MYO1G: variants seen among roughly 807,000 people sequenced by gnomAD.
MYO1G encodes the protein unconventional myosin-Ig.
A neutral mutation model predicts 115.3 loss-of-function variants in MYO1G; 65 were observed. The observed-to-expected ratio is 0.56, with a 90% confidence interval of 0.46 to 0.69. The LOEUF (loss-of-function observed/expected upper bound fraction) is 0.69. MYO1G is among the 30% of genes least tolerant of loss of function. MYO1G has a pLI of 0.00. For missense variants in MYO1G, 1,204 were observed against 1,393.5 expected, an observed-to-expected ratio of 0.86 and a Z score of 2.16; for synonymous variants, 510 against 552.6, an observed-to-expected ratio of 0.92 and a Z score of 1.08.
rs1794941507 is a variant in MYO1G, at chr7:44,970,753, AC to A, written c.1072-17del. Reference sequence around the variant, plus strand: ...GGTACACTGCCTGGGGGATAGGAACACCCTGCTTCCTGCTGCCTCTGGCCTG... The same window carrying A: ...GGTACACTGCCTGGGGGATAGGAACACCTGCTTCCTGCTGCCTCTGGCCTG... On this transcript the variant is annotated splice_polypyrimidine_tract_variant and intron_variant, in intron 8 of 21. Transcript: ENST00000258787. The A allele has an allele frequency of 6.2e-7, 1 of 1,613,508 alleles. No individual in the cohort carries two copies. Among genetic ancestry groups the A allele is most frequent in the East Asian group, 2.2e-5 (1 of 44,870 alleles).
chr7:44,976,720 G>T (rs1006376456), intron 2 of MYO1G, 63 bp from the exon 3 acceptor site: 1 of 1,600,506 alleles, frequency 6.2e-7, no homozygotes, highest in Non-Finnish European at 8.6e-7. Flanking sequence ...AGCTCCCTGT[G>T]CCCACTCACA....
chr7:44,975,541 G>A lies in MYO1G; in HGVS notation c.507C>T (p.Asn169=). ...SSRFGKYMDI[N]FDFKGDPIGG... ...CGATCGGGTCCCCCTTGAAGTCAAA[G>A]TTGATGTCCATGTACTTGCCAAAGC... Residue 169 remains asparagine (N), a synonymous_variant, in exon 4 of 22, where the codon AAC becomes AAT. Coordinates refer to ENST00000258787, the MANE Select transcript of MYO1G (RefSeq NM_033054.3). 6.2e-7 allele frequency: 1 copy of A among 1,614,032 alleles called. No homozygotes were observed. The highest frequency in any genetic ancestry group is 8.5e-7 in the Non-Finnish European group (1 of 1,179,938).
intron 5 of MYO1G, chr7:44,972,758 A>G (rs1253534999): frequency 1.3e-5 from 2 of 159,162 alleles, no homozygotes. Flanking sequence ...GGGAGAGCCC[A>G]TGTCCTAGGG....
chr7:44,969,943 C>A lies in MYO1G; in HGVS notation c.1333-68G>T. 1 of 1,588,022 alleles carries A rather than the reference C, an allele frequency of 6.3e-7. No individual in the cohort carries two copies. Among genetic ancestry groups the A allele is most frequent in the South Asian group, 1.1e-5 (1 of 87,556 alleles). Reference sequence around the variant, plus strand: ...AGGCCACCTCCCCTCCTCCGCCCCACACTCAGCCACCTGTCAGGCCAGCCC... The same window carrying A: ...AGGCCACCTCCCCTCCTCCGCCCCAAACTCAGCCACCTGTCAGGCCAGCCC... On this transcript the variant is annotated intron_variant, in intron 10 of 21. Transcript: ENST00000258787. The surrounding 1 kb of genome is among the most constrained non-coding windows in gnomAD (Gnocchi z 5.0).
At position 44,977,047 on chromosome 7, in the gene MYO1G, G is replaced by A. The variant is rs151295676; in HGVS notation, c.120C>T (p.Thr40=). 2 of 1,613,464 alleles carry A rather than the reference G, an allele frequency of 1.2e-6. No homozygotes were observed. Among genetic ancestry groups the A allele is most frequent in the Non-Finnish European group, 1.7e-6 (2 of 1,180,000 alleles). ...CGGACACCAGCACCTCACCGATGTAGGTGTAGATGCGGCCCTTCTCGAACC... is the reference window on the plus strand; with the variant it reads ...CGGACACCAGCACCTCACCGATGTAAGTGTAGATGCGGCCCTTCTCGAACC... ...QLRFEKGRIY[T]YIGEVLVSVN... is the part of the protein sequence containing the mutation. Residue 40 remains threonine (T), a synonymous_variant, in exon 2 of 22, where the codon ACC becomes ACT. Transcript: ENST00000258787.
Position 44,963,044 on chromosome 7 carries a change from G to A in MYO1G, c.2826C>T (p.Cys942=). The change falls in exon 21 of 22, where the codon TGC becomes TGT. Residue 942 remains cysteine (C), a synonymous_variant. Transcript: ENST00000258787. The surrounding 1 kb of genome is among the most constrained non-coding windows in gnomAD (Gnocchi z 4.1). ...CCAATGGCGGCCGGGAGCGGTGCAGGCACACCACGAGGTCGTCCTGGCCGC... is the reference window on the plus strand; with the variant it reads ...CCAATGGCGGCCGGGAGCGGTGCAGACACACCACGAGGTCGTCCTGGCCGC... ...HARGQDDLVV[C]LHRSRPPLDN... 6.5e-7 allele frequency: 1 copy of A among 1,528,954 alleles called. No homozygotes were observed. 94.7% of individuals were successfully genotyped at this position (1,528,954 alleles called of 1,614,324 possible).
chr7:44,976,828 GCCGAGGGTGGGGGC>G (rs779029736), intron 2 of MYO1G, 21 bp downstream of exon 2: 9 of 1,607,702 alleles, frequency 5.6e-6, no homozygotes, highest in Non-Finnish European at 6.8e-6. Context: ...AAATGAAGAT[GCCGAGGGTGGGGGC>G]CCGGCGGCAG....
intron 5 of MYO1G, 56 bp downstream of exon 5, chr7:44,975,118 G>A: frequency 6.4e-7 from 1 of 1,565,366 alleles, no homozygotes. Context: ...GGTCCAGCTT[G>A]CTGCCCTCCC....
rs1031564038 is a variant in MYO1G at position 44,976,519 on chromosome 7, C to T, written c.398+45G>A. 2.5e-6 allele frequency: 4 copies of T among 1,585,536 alleles called. No individual in the cohort carries two copies. In the African/African-American group the frequency reaches 5.4e-5, roughly 21 times the overall value. ...CAGCCCTTCCTGCCACACTGAGGTC[C>T]CTGGCCTGCCATGCTGAGGCCCAGA... On this transcript the variant is annotated intron_variant, in intron 3 of 21. Transcript: ENST00000258787.
Position 44,964,568 on chromosome 7 carries a change from G to A in MYO1G, c.2527-49C>T. 1 of 1,403,250 alleles carries A rather than the reference G, an allele frequency of 7.1e-7. No homozygotes were observed. Among genetic ancestry groups the A allele is most frequent in the South Asian group, 1.2e-5 (1 of 86,648 alleles). The allele number at this position is 1,403,250 out of a possible 1,614,324, so 86.9% of individuals were successfully genotyped here. ...GGCGCTGCTTGGGATTGAGTCATGG[G>A]ACCAGACTCAATTGATAGCAGCTGT... On this transcript the variant is annotated intron_variant, in intron 18 of 21. Coordinates refer to ENST00000258787, the MANE Select transcript of MYO1G (RefSeq NM_033054.3). The surrounding 1 kb of genome is among the most constrained non-coding windows in gnomAD (Gnocchi z 5.1).
At chr7:44,972,566 C>A (rs1044971823) in intron 5 of MYO1G, 2 of 301,506 alleles carry the variant, frequency 6.6e-6, no homozygotes, top group Non-Finnish European at 1.3e-5. Context: ...TATGTGGAGA[C>A]ACTACCCGGG....
rs1340040142 is a variant in MYO1G, at chr7:44,963,063, T to A, written c.2807A>T (p.Gln936Leu). 13 of 1,522,730 alleles carry A rather than the reference T, an allele frequency of 8.5e-6. No individual in the cohort carries two copies. Among genetic ancestry groups the A allele is most frequent in the Non-Finnish European group, 1.1e-5 (13 of 1,140,670 alleles). 94.3% of individuals were successfully genotyped at this position (1,522,730 alleles called of 1,614,324 possible). A position where few individuals can be genotyped will look rare whatever the true frequency, so the allele number is the denominator to read the frequency against. ...DQLVVLHARG[Q>L]DDLVVCLHRS... ...GTGCAGGCACACCACGAGGTCGTCC[T>A]GGCCGCGGGCGTGCAGCACCACCAG... The change falls in exon 21 of 22, where the codon CAG (glutamine) becomes CTG (leucine). Residue 936 changes from glutamine (Q) to leucine (L), a missense_variant. Coordinates refer to ENST00000258787, the MANE Select transcript of MYO1G (RefSeq NM_033054.3). The surrounding 1 kb of genome is among the most constrained non-coding windows in gnomAD (Gnocchi z 4.1).
intron 1 of MYO1G, among the ~76,000 whole-genome samples, chr7:44,978,101 T>C: frequency 6.6e-6 from 1 of 152,126 alleles, no homozygotes; most frequent in Non-Finnish European, 1.5e-5. Flanking sequence ...CCTTCGGTGC[T>C]TAGTGGGGAT....
Position 44,963,087 on chromosome 7 carries a change from A to G in MYO1G, c.2783T>C (p.Leu928Pro). Residue 928 changes from leucine to proline, a missense_variant, in exon 21 of 22, where the codon CTG (leucine) becomes CCG (proline). Physicochemically the swap from Leu to Pro is moderately conservative, Grantham distance 98. Coordinates refer to ENST00000258787, the MANE Select transcript of MYO1G (RefSeq NM_033054.3). The surrounding 1 kb of genome is among the most constrained non-coding windows in gnomAD (Gnocchi z 4.1). ...CTGGCCGCGGGCGTGCAGCACCACC[A>G]GCTGGTCTCCTCCGCTGGTCACGCT... The part of the protein sequence containing the change: ...GLSVTSGGDQ[L>P]VVLHARGQDD... The G allele has an allele frequency of 6.6e-7, 1 of 1,520,240 alleles. No individual in the cohort carries two copies. The highest frequency in any genetic ancestry group is 8.8e-7 in the Non-Finnish European group (1 of 1,140,098). The allele number at this position is 1,520,240 out of a possible 1,614,324, so 94.2% of individuals were successfully genotyped here.
Position 44,970,114 on chromosome 7 carries a change from G to A in MYO1G, c.1258C>T (p.Gln420Ter), listed in dbSNP as rs771068176. The A allele has an allele frequency of 3.1e-6, 5 of 1,614,048 alleles. No individual in the cohort carries two copies. Among genetic ancestry groups the A allele is most frequent in the African/African-American group, 1.3e-5 (1 of 75,056 alleles). The stretch of plus-strand genomic sequence containing the variant: ...AGGATGAGCTGGATGAATAGCTGCT[G>A]CAGCTTCTCGTTGCAGTAGTTGATG... Reference protein sequence around the residue: ...FCINYCNEKLQQLFIQLILKQ... With the variant: ...FCINYCNEKL Residue 420 changes from glutamine (Q) to a stop codon, truncating the protein, a stop_gained, in exon 10 of 22, where the codon CAG becomes TAG. Coordinates refer to ENST00000258787, the MANE Select transcript of MYO1G (RefSeq NM_033054.3). LOFTEE classifies it high-confidence loss of function.
Position 44,972,326 on chromosome 7 carries a change from A to G in MYO1G, c.619-101T>C. 2 of 879,624 alleles carry G rather than the reference A, an allele frequency of 2.3e-6. 1 individual carries two copies. Among genetic ancestry groups the G allele is most frequent in the Non-Finnish European group, 3.7e-6 (2 of 533,724 alleles). The allele number at this position is 879,624 out of a possible 1,614,324, so 54.5% of individuals were successfully genotyped here. Reference sequence around the variant, plus strand: ...AAACAGACTTGCGCTTCCTTCCAGTATTGAACGAACAAACGTGGGGGAAGG... The same window carrying G: ...AAACAGACTTGCGCTTCCTTCCAGTGTTGAACGAACAAACGTGGGGGAAGG... On this transcript the variant is annotated intron_variant, in intron 5 of 21. Coordinates refer to ENST00000258787, the MANE Select transcript of MYO1G (RefSeq NM_033054.3).
intron 5 of MYO1G, chr7:44,974,836 A>C (rs983846450): frequency 3.0e-5 from 12 of 400,206 alleles, no homozygotes; most frequent in Non-Finnish European, 5.7e-5. Context: ...CTCTGATACC[A>C]CTAGAGACAC....
chr7:44,976,298 C>T (rs1026451225), intron 3 of MYO1G, among the ~76,000 whole-genome samples: 4 of 152,338 alleles, frequency 2.6e-5, no homozygotes, highest in Admixed American at 1.3e-4. Flanking sequence ...TTCTCCTCAT[C>T]CTACCTGTGG....
rs1424132619 is a variant in MYO1G at position 44,972,870 on chromosome 7, C to G, written c.619-645G>C. ...ACTGCCTGTGTCCCAAAAGTTCCCA[C>G]TTCACTGGAGGTGGTAAGAGTCTGT... On this transcript the variant is annotated intron_variant, in intron 5 of 21. Transcript: ENST00000258787. 4.6e-5 allele frequency: 7 copies of G among 152,148 alleles called. No individual in the cohort carries two copies. In the East Asian group the frequency reaches 1.2e-3, roughly 26 times the overall value. The allele number at this position is 152,148 out of a possible 1,614,324, so 9.4% of individuals were successfully genotyped here. A position where few individuals can be genotyped will look rare whatever the true frequency, so the allele number is the denominator to read the frequency against.
Sources: allele counts gnomAD v4.1 joint callset (sites outside exome capture counted in the v4.1 genomes callset), GRCh38; gene constraint gnomAD v4.1.1; non-coding constraint Gnocchi (gnomAD v3.1); transcripts MANE v1.5; gene names NCBI Gene and HGNC (gene_info 2026-07-23, HGNC 2026-07-21).